The following ARAP2 variants were observed in gnomAD, a reference collection of about 807,000 sequenced individuals.
The protein encoded by ARAP2 is ArfGAP with RhoGAP domain, ankyrin repeat and PH domain 2, also known as arf-GAP with Rho-GAP domain, ANK repeat and PH domain-containing protein 2.
ARAP2 carries 148 observed loss-of-function variants against 194.5 expected under a neutral mutation model. That is an observed-to-expected ratio of 0.76 (90% CI 0.67 to 0.87). The LOEUF (loss-of-function observed/expected upper bound fraction) is 0.87, where lower values mean the gene tolerates loss of function less well. Among genes scored for constraint, ARAP2 ranks in the 40% least tolerant of loss-of-function variants. The probability of loss-of-function intolerance (pLI) is 0.00; values close to 1 mark genes in which losing one functional copy is unlikely to be tolerated. For synonymous variants in ARAP2, 695 were observed against 683.5 expected (o/e 1.02, Z -0.26); for missense variants, 2,128 against 1,989.7 (o/e 1.07, Z -1.32).
intron 5 of ARAP2, among the ~76,000 whole-genome samples, chr4:36,043,858 G>GCGA (rs1721349395): frequency 1.1e-5 from 1 of 89,308 alleles, no homozygotes; most frequent in Non-Finnish European, 2.4e-5. Context: ...GAGGGGAGGG[G>GCGA]GGAGGGGAAG....
At chr4:36,073,512 T>C (rs934496560) in intron 32 of ARAP2, among the ~76,000 whole-genome samples, 177 bp downstream of exon 32, 1 of 152,130 alleles carries the variant, frequency 6.6e-6, no homozygotes, top group Non-Finnish European at 1.5e-5. Flanking sequence ...GATATTAAAA[T>C]AAAAGGTATA....
At chr4:36,185,682 T>C (rs547618273) in intron 8 of ARAP2, among the ~76,000 whole-genome samples, 13 of 151,856 alleles carry the variant, frequency 8.6e-5, no homozygotes, top group African/African-American at 3.1e-4. Context: ...TCTGTAAAAA[T>C]AGGATAATAA....
At chr4:36,179,996 G>A (rs868732108) in intron 8 of ARAP2, among the ~76,000 whole-genome samples, 2 of 152,082 alleles carry the variant, frequency 1.3e-5, no homozygotes, top group African/African-American at 4.8e-5. Flanking sequence ...TTGATGGCTG[G>A]GTGTGGTGTC....
At chr4:36,030,614 G>T (rs1254098748) in intron 5 of ARAP2, among the ~76,000 whole-genome samples, 1 of 151,844 alleles carries the variant, frequency 6.6e-6, no homozygotes, top group East Asian at 1.9e-4. Context: ...TTTAAGGTTT[G>T]GTTTTGTTTT....
At chr4:36,158,632 A>G in intron 15 of ARAP2, 98 bp downstream of exon 15, 1 of 1,062,890 alleles carries the variant, frequency 9.4e-7, no homozygotes, top group South Asian at 1.6e-5. Flanking sequence ...TTGGAGATCA[A>G]ATCTAACATC....
intron 9 of ARAP2, among the ~76,000 whole-genome samples, chr4:36,009,846 G>A (rs1446199561): frequency 7.6e-6 from 1 of 130,972 alleles, no homozygotes; most frequent in East Asian, 2.4e-4. Flanking sequence ...CCTCTCTCTT[G>A]TTGAAGTAAA....
At chr4:36,152,888 A>G (rs1033459564) in intron 15 of ARAP2, among the ~76,000 whole-genome samples, 2 of 152,218 alleles carry the variant, frequency 1.3e-5, no homozygotes, top group African/African-American at 4.8e-5. Flanking sequence ...GGGAAACAAG[A>G]TTGCAGGTTC....
At chr4:36,149,791 G>A (rs1449976499) in intron 16 of ARAP2, among the ~76,000 whole-genome samples, 1 of 152,020 alleles carries the variant, frequency 6.6e-6, no homozygotes, top group Non-Finnish European at 1.5e-5. Flanking sequence ...AATCAAATCA[G>A]ATTTACTATA....
chr4:36,037,724 T>C (rs1168610843), intron 5 of ARAP2, among the ~76,000 whole-genome samples: 2 of 152,290 alleles, frequency 1.3e-5, no homozygotes, highest in East Asian at 1.9e-4. Flanking sequence ...TTCTGTATTC[T>C]GTTCTGTGCT....
intron 2 of ARAP2, among the ~76,000 whole-genome samples, chr4:36,215,716 G>A (rs1305249976): frequency 2.0e-5 from 3 of 152,154 alleles, no homozygotes; most frequent in Non-Finnish European, 4.4e-5. Flanking sequence ...ACCTGCCATG[G>A]TGTTCACCTC....
intron 1 of ARAP2, among the ~76,000 whole-genome samples, chr4:36,239,876 T>C (rs1034348693): frequency 1.3e-5 from 2 of 152,188 alleles, no homozygotes; most frequent in East Asian, 1.9e-4. Context: ...GGACTTTTTT[T>C]CTCTCCTTTG....
intron 19 of ARAP2, 61 bp from the exon 20 acceptor site, chr4:36,133,450 C>T: frequency 7.0e-7 from 1 of 1,437,026 alleles, no homozygotes; most frequent in Non-Finnish European, 9.5e-7. Flanking sequence ...AATCTTACTC[C>T]AAGACAGATT....
intron 3 of ARAP2, among the ~76,000 whole-genome samples, chr4:36,050,299 C>T (rs1722452284): frequency 6.6e-6 from 1 of 152,224 alleles, no homozygotes; most frequent in African/African-American, 2.4e-5. Flanking sequence ...ACCATATCAT[C>T]TGAAACTCAT....
chr4:36,146,683 A>T (rs537157003), intron 19 of ARAP2, among the ~76,000 whole-genome samples: 1 of 152,064 alleles, frequency 6.6e-6, no homozygotes, highest in Non-Finnish European at 1.5e-5. Flanking sequence ...ATCCCATCAG[A>T]CTATTTTTAT....
At chr4:36,078,655 G>A (rs1221029015) in intron 31 of ARAP2, among the ~76,000 whole-genome samples, 1 of 152,130 alleles carries the variant, frequency 6.6e-6, no homozygotes, top group African/African-American at 2.4e-5. Flanking sequence ...TTGAGACGAG[G>A]ACTAGGATTA....
chr4:36,018,888 G>T (rs555199938), intron 6 of ARAP2, among the ~76,000 whole-genome samples: 1 of 152,174 alleles, frequency 6.6e-6, no homozygotes, highest in East Asian at 1.9e-4. Flanking sequence ...AAGGTAGATA[G>T]GGTTGAATCT....
chr4:36,111,651 G>C (rs145718387), intron 26 of ARAP2, among the ~76,000 whole-genome samples: 1 of 151,926 alleles, frequency 6.6e-6, no homozygotes, highest in Non-Finnish European at 1.5e-5. Context: ...ATCCAATTCA[G>C]TCTTAGCATT....
At chr4:36,137,348 C>G (rs887654177) in intron 19 of ARAP2, among the ~76,000 whole-genome samples, 1 of 151,740 alleles carries the variant, frequency 6.6e-6, no homozygotes, top group African/African-American at 2.4e-5. Flanking sequence ...TAGCTACATC[C>G]AGAGATATAT....
At chr4:36,016,651 A>G (rs1167621294) in intron 6 of ARAP2, among the ~76,000 whole-genome samples, 1 of 152,182 alleles carries the variant, frequency 6.6e-6, no homozygotes, top group Non-Finnish European at 1.5e-5. Context: ...CAGGTAAAAA[A>G]GACTTTGCAC....
Sources: gnomAD v4.1 joint callset for allele counts (sites outside exome capture counted in the v4.1 genomes callset) on GRCh38, gnomAD v4.1.1 for gene constraint, MANE v1.5 for transcripts, NCBI Gene and HGNC (gene_info 2026-07-23, HGNC 2026-07-21) for gene names.